Variants in OCA2 observed in about 807,000 individuals in gnomAD.
The protein encoded by OCA2 is P protein.
A neutral mutation model predicts 100.2 loss-of-function variants in OCA2; 77 were observed. That is an observed-to-expected ratio of 0.77 (90% CI 0.64 to 0.93). The LOEUF (loss-of-function observed/expected upper bound fraction) is 0.93. OCA2 is among the 40% of genes least tolerant of loss of function. The pLI, the probability that OCA2 is intolerant of heterozygous loss-of-function variation, is 0.00. For missense variants in OCA2, 1,062 were observed against 1,089.1 expected, an observed-to-expected ratio of 0.98 and a Z score of 0.35; for synonymous variants, 432 against 439.2, an observed-to-expected ratio of 0.98 and a Z score of 0.21.
chr15:27,787,493 A>T (rs1202688564), intron 23 of OCA2, among the ~76,000 whole-genome samples: 1 of 152,084 alleles, frequency 6.6e-6, no homozygotes, highest in Non-Finnish European at 1.5e-5. Context: ...CTTTCTACAC[A>T]TGTAGCCATT....
At chr15:28,040,766 C>A (rs1249406349) in intron 2 of OCA2, among the ~76,000 whole-genome samples, 1 of 152,080 alleles carries the variant, frequency 6.6e-6, no homozygotes, top group Admixed American at 6.6e-5. Context: ...GTACACACAA[C>A]CTACCAAGAC....
At chr15:27,923,509 A>T (rs916172201) in intron 19 of OCA2, among the ~76,000 whole-genome samples, 1 of 152,184 alleles carries the variant, frequency 6.6e-6, no homozygotes, top group African/African-American at 2.4e-5. Flanking sequence ...TTTCTCTGCA[A>T]CTTCATTAGC....
chr15:27,918,680 G>A (rs896471938), intron 19 of OCA2, among the ~76,000 whole-genome samples: 2 of 152,080 alleles, frequency 1.3e-5, no homozygotes, highest in African/African-American at 4.8e-5. Flanking sequence ...TCAACAGAAT[G>A]AAATTTTACA....
chr15:28,080,980 C>G (rs144934070), intron 2 of OCA2, among the ~76,000 whole-genome samples: 1 of 152,108 alleles, frequency 6.6e-6, no homozygotes, highest in African/African-American at 2.4e-5. Context: ...ATTATCCAAG[C>G]GAATTAACCC....
the OCA2 span, among the ~76,000 whole-genome samples, chr15:27,723,553 G>C: frequency 6.6e-6 from 1 of 152,082 alleles, no homozygotes; most frequent in South Asian, 2.1e-4. Flanking sequence ...AGAGAAGAGG[G>C]AATCAGTGTG....
chr15:27,761,881 T>C (rs924332899), intron 23 of OCA2, among the ~76,000 whole-genome samples: 2 of 152,134 alleles, frequency 1.3e-5, no homozygotes, highest in African/African-American at 4.8e-5. Flanking sequence ...CTGGAGCGCA[T>C]TGGCGTCATC....
chr15:28,080,699 G>A (rs2044593524), intron 2 of OCA2, among the ~76,000 whole-genome samples: 1 of 152,202 alleles, frequency 6.6e-6, no homozygotes, highest in Non-Finnish European at 1.5e-5. Context: ...TGCAGGGGTC[G>A]GAGCTCTGGC....
the OCA2 span, among the ~76,000 whole-genome samples, chr15:27,748,634 T>C: frequency 2.0e-5 from 3 of 152,174 alleles, no homozygotes; most frequent in Non-Finnish European, 4.4e-5. Context: ...ATATAGATCA[T>C]CTGTCATGCA....
chr15:27,731,254 A>T, the OCA2 span, among the ~76,000 whole-genome samples: 1 of 152,256 alleles, frequency 6.6e-6, no homozygotes, highest in Non-Finnish European at 1.5e-5. Flanking sequence ...AGGTTATCTT[A>T]TAAAACTCAT....
intron 23 of OCA2, among the ~76,000 whole-genome samples, chr15:27,789,165 T>C (rs945705458): frequency 2.0e-5 from 3 of 149,882 alleles, no homozygotes; most frequent in African/African-American, 7.4e-5. Context: ...TGTGTATAGC[T>C]ATATAGATGT....
At chr15:27,754,843 C>T (rs1182323271), downstream of OCA2, 1 of 158,502 alleles carries the variant, frequency 6.3e-6, no homozygotes, top group Non-Finnish European at 1.4e-5. Context: ...GGATAAAATG[C>T]AATTTTACAT....
intron 23 of OCA2, 115 bp from the exon 24 acceptor site, chr15:27,755,587 A>G (rs982457184): frequency 6.8e-5 from 52 of 764,562 alleles, no homozygotes; most frequent in African/African-American, 6.7e-4. Context: ...CACAATGGCC[A>G]CTACCTTTTA....
intron 22 of OCA2, among the ~76,000 whole-genome samples, chr15:27,849,753 C>T (rs751559004): frequency 4.2e-4 from 64 of 152,086 alleles, no homozygotes; most frequent in Non-Finnish European, 8.4e-4. Context: ...GGCTGCGCAA[C>T]GCTGTGAATG....
Position 27,983,332 on chromosome 15 carries a change from T to A in OCA2, c.1503+13A>T. ...GCGTTTACTGGAAGCAACCCTAGCATGCTGGTACGTACCATCTTCCTCAGC... is the reference window on the plus strand; with the variant it reads ...GCGTTTACTGGAAGCAACCCTAGCAAGCTGGTACGTACCATCTTCCTCAGC... On this transcript the variant is annotated intron_variant, in intron 14 of 23. Transcript: ENST00000354638. 6.2e-7 allele frequency: 1 copy of A among 1,614,148 alleles called. No homozygotes were observed. Among genetic ancestry groups the A allele is most frequent in the Non-Finnish European group, 8.5e-7 (1 of 1,180,020 alleles).
chr15:27,974,791 A>C (rs920832716), intron 14 of OCA2, among the ~76,000 whole-genome samples: 2 of 152,160 alleles, frequency 1.3e-5, no homozygotes, highest in Non-Finnish European at 2.9e-5. Flanking sequence ...AATTCAGAGA[A>C]AGTCATTAAG....
intron 1 of OCA2, among the ~76,000 whole-genome samples, chr15:28,084,243 A>G (rs1484102855): frequency 2.0e-5 from 3 of 152,212 alleles, no homozygotes; most frequent in African/African-American, 7.2e-5. Context: ...CAGCCTCCCA[A>G]ACTGTGAGAA....
In OCA2 at chr15:27,957,541, G is replaced by A; in HGVS notation, c.1784+47C>T. The A allele has an allele frequency of 1.2e-6, 2 of 1,607,556 alleles. No homozygotes were observed. Among genetic ancestry groups the A allele is most frequent in the Non-Finnish European group, 1.7e-6 (2 of 1,176,826 alleles). On this transcript the variant is annotated intron_variant, in intron 16 of 23. Coordinates refer to ENST00000354638, the MANE Select transcript of OCA2 (RefSeq NM_000275.3). The surrounding 1 kb of genome is among the most constrained non-coding windows in gnomAD (Gnocchi z 4.3). Reference sequence around the variant, plus strand: ...TCGCTATTTTGTAGGCCCATGGAATGTTCTGCTGCACACCAAGCACAGTCT... The same window carrying A: ...TCGCTATTTTGTAGGCCCATGGAATATTCTGCTGCACACCAAGCACAGTCT...
chr15:27,778,225 A>T (rs1428468665), intron 23 of OCA2, among the ~76,000 whole-genome samples: 1 of 152,202 alleles, frequency 6.6e-6, no homozygotes, highest in Non-Finnish European at 1.5e-5. Context: ...GAAACCACGA[A>T]AGTCTAGTGG....
the OCA2 span, among the ~76,000 whole-genome samples, chr15:27,730,730 CAAATATATATATAT>C: frequency 1.2e-5 from 1 of 80,284 alleles, no homozygotes; most frequent in Non-Finnish European, 2.7e-5. Context: ...AGAAAAAGAC[CAAATATATATATAT>C]ATATATATAT....
Sources: allele counts gnomAD v4.1 joint callset (sites outside exome capture counted in the v4.1 genomes callset), GRCh38; gene constraint gnomAD v4.1.1; non-coding constraint Gnocchi (gnomAD v3.1); transcripts MANE v1.5; gene names NCBI Gene and HGNC (gene_info 2026-07-23, HGNC 2026-07-21).